EPHA6: variants seen among roughly 807,000 people sequenced by gnomAD.
EPHA6 encodes the protein EPH receptor A6.
In EPHA6, 50 loss-of-function variants were observed where a neutral mutation model predicts 112.0. The observed-to-expected ratio is 0.45, with a 90% CI of 0.36 to 0.56. EPHA6 has a LOEUF of 0.56. Ranked by LOEUF, EPHA6 falls within the 20% of genes least tolerant of loss-of-function variation. The pLI, the probability that EPHA6 is intolerant of heterozygous loss-of-function variation, is 0.00. For missense variants in EPHA6, 1,280 were observed against 1,417.4 expected, an observed-to-expected ratio of 0.90 and a Z score of 1.56; for synonymous variants, 529 against 490.7, an observed-to-expected ratio of 1.08 and a Z score of -1.03.
At chr3:96,835,755 G>T (rs187742494) in intron 1 of EPHA6, among the ~76,000 whole-genome samples, 2 of 152,078 alleles carry the variant, frequency 1.3e-5, no homozygotes, top group African/African-American at 4.8e-5. Context: ...AACAAGACTT[G>T]CAATGAATTT....
chr3:97,322,836 T>G (rs2082184466), intron 5 of EPHA6, among the ~76,000 whole-genome samples: 2 of 152,054 alleles, frequency 1.3e-5, no homozygotes, highest in African/African-American at 2.4e-5. Flanking sequence ...TGGTATTTGA[T>G]TCAGTGAGGA....
At chr3:96,934,101 A>G (rs116258246) in intron 2 of EPHA6, among the ~76,000 whole-genome samples, 2,033 of 152,116 alleles carry the variant, frequency 0.013, 46 homozygotes, top group African/African-American at 0.044. Context: ...CATTTTAAAA[A>G]TATGAAATAC....
In EPHA6 at chr3:97,757,427, A is replaced by G. The variant is rs1334812410; in HGVS notation, c.*8726A>G. Among the ~76,000 whole-genome samples, 1 of 151,768 alleles carries G rather than the reference A, an allele frequency of 6.6e-6. No individual in the cohort carries two copies. Among genetic ancestry groups the G allele is most frequent in the Non-Finnish European group, 1.5e-5 (1 of 67,700 alleles). ...GGAACAAGTCATCAAAATTCTTAAC[A>G]TTTCCATATTATTAATCCTTTGTTT... On this transcript the variant is annotated 3_prime_UTR_variant, in exon 18 of 18. Coordinates refer to ENST00000389672, the MANE Select transcript of EPHA6 (RefSeq NM_001080448.3).
intron 12 of EPHA6, 66 bp from the exon 13 acceptor site, chr3:97,610,727 C>G: frequency 1.6e-6 from 2 of 1,275,786 alleles, no homozygotes; most frequent in Non-Finnish European, 2.3e-6. Flanking sequence ...AGCTGGGTAT[C>G]TCTTAACTGC....
intron 3 of EPHA6, among the ~76,000 whole-genome samples, chr3:97,037,911 A>G (rs377251781): frequency 6.6e-6 from 1 of 152,054 alleles, no homozygotes; most frequent in Non-Finnish European, 1.5e-5. Context: ...AAAGATAGTG[A>G]AAAACTAGGA....
chr3:97,537,457 C>T (rs374848768), intron 11 of EPHA6, among the ~76,000 whole-genome samples: 7 of 152,264 alleles, frequency 4.6e-5, no homozygotes, highest in African/African-American at 1.7e-4. Context: ...CTGGGAGCAA[C>T]AAATAAGTGT....
chr3:97,152,950 G>A (rs2076203964), intron 3 of EPHA6, among the ~76,000 whole-genome samples: 1 of 151,876 alleles, frequency 6.6e-6, no homozygotes, highest in Non-Finnish European at 1.5e-5. Flanking sequence ...ATGCTTTCCT[G>A]GTGGCTTTAG....
Position 96,906,603 on chromosome 3 carries a change from T to C in EPHA6, c.450+39714T>C, listed in dbSNP as rs145736205. ...ATCTTATTTAGAATATATTTGTGTC[T>C]CTGCACCTTTGTCCACAATTTTCAA... On this transcript the variant is annotated intron_variant, in intron 2 of 17. Coordinates refer to ENST00000389672, the MANE Select transcript of EPHA6 (RefSeq NM_001080448.3). 4.6e-5 allele frequency among the ~76,000 whole-genome samples: 7 copies of C among 152,190 alleles called. No homozygotes were observed. In the East Asian group the frequency reaches 1.4e-3, roughly 29 times the overall value.
intron 5 of EPHA6, among the ~76,000 whole-genome samples, chr3:97,341,224 C>A (rs1399449564): frequency 1.3e-5 from 2 of 152,010 alleles, no homozygotes; most frequent in Non-Finnish European, 2.9e-5. Flanking sequence ...CAGAAAAATG[C>A]AACTTGGAAC....
chr3:97,601,812 A>G (rs1379595557), intron 12 of EPHA6, among the ~76,000 whole-genome samples: 1 of 152,056 alleles, frequency 6.6e-6, no homozygotes, highest in East Asian at 1.9e-4. Context: ...TAAATTACCT[A>G]CGTAGTTAGA....
intron 6 of EPHA6, among the ~76,000 whole-genome samples, chr3:97,414,159 A>G (rs2087935253): frequency 6.6e-6 from 1 of 152,102 alleles, no homozygotes; most frequent in Non-Finnish European, 1.5e-5. Context: ...ATGGTCTGAT[A>G]TAGGGTTGAG....
rs186575755 is a variant in EPHA6 at position 96,847,689 on chromosome 3, T to C, written c.386-19136T>C. Reference sequence around the variant, plus strand: ...GAAGTTATTTTTGCTAACTAGGGAATAAATTGTATGAAAAAATATTTATGT... The same window carrying C: ...GAAGTTATTTTTGCTAACTAGGGAACAAATTGTATGAAAAAATATTTATGT... On this transcript the variant is annotated intron_variant, in intron 1 of 17. Coordinates refer to ENST00000389672, the MANE Select transcript of EPHA6 (RefSeq NM_001080448.3). 2.0e-5 allele frequency among the ~76,000 whole-genome samples: 3 copies of C among 152,236 alleles called. No individual in the cohort carries two copies. The East Asian group carries it at 5.8e-4, about 29-fold the overall frequency.
rs140490987 is a variant in EPHA6, at chr3:97,304,930, A to G, written c.1606+60643A>G. On this transcript the variant is annotated intron_variant, in intron 5 of 17. Transcript: ENST00000389672. The stretch of plus-strand genomic sequence containing the variant: ...AAAGAGCTTCTGCACAGAAAAAGAA[A>G]CTATCATCAGAGTGAACAGAAAGGC... 4.6e-5 allele frequency among the ~76,000 whole-genome samples: 7 copies of G among 152,206 alleles called. No homozygotes were observed. The East Asian group carries it at 1.4e-3, about 29-fold the overall frequency.
intron 3 of EPHA6, among the ~76,000 whole-genome samples, chr3:97,140,890 G>C (rs1330043895): frequency 1.3e-5 from 2 of 151,984 alleles, no homozygotes; most frequent in Non-Finnish European, 2.9e-5. Flanking sequence ...TGGCAAATAG[G>C]ATTAAAAACA....
chr3:97,114,717 G>A (rs1576512933), intron 3 of EPHA6, among the ~76,000 whole-genome samples: 1 of 151,986 alleles, frequency 6.6e-6, no homozygotes, highest in East Asian at 1.9e-4. Flanking sequence ...TTTTTGCTGT[G>A]AGTCCACTAA....
intron 3 of EPHA6, among the ~76,000 whole-genome samples, chr3:97,180,958 C>T (rs971927185): frequency 1.2e-4 from 18 of 151,926 alleles, no homozygotes; most frequent in Admixed American, 2.0e-4. Flanking sequence ...AGTTGTAGTC[C>T]GTATGGCTTA....
chr3:97,462,982 T>G (rs1434781748), intron 7 of EPHA6, among the ~76,000 whole-genome samples: 1 of 152,096 alleles, frequency 6.6e-6, no homozygotes, highest in East Asian at 1.9e-4. Flanking sequence ...TACTTATTGT[T>G]TAACAGAATA....
intron 2 of EPHA6, among the ~76,000 whole-genome samples, chr3:96,976,652 G>T (rs1313384552): frequency 6.6e-6 from 1 of 152,086 alleles, no homozygotes; most frequent in African/African-American, 2.4e-5. Flanking sequence ...GACCCAGGAA[G>T]GGAAGCCTCT....
intron 1 of EPHA6, among the ~76,000 whole-genome samples, chr3:96,816,597 G>T (rs2032803157): frequency 6.6e-6 from 1 of 152,236 alleles, no homozygotes; most frequent in Non-Finnish European, 1.5e-5. Flanking sequence ...TACTAGAGAT[G>T]AATACTTTGA....
Sources: gnomAD v4.1 joint callset for allele counts (sites outside exome capture counted in the v4.1 genomes callset) on GRCh38, gnomAD v4.1.1 for gene constraint, MANE v1.5 for transcripts, NCBI Gene and HGNC (gene_info 2026-07-23, HGNC 2026-07-21) for gene names.